The following CTNNA3 variants were observed in gnomAD, a reference collection of about 807,000 sequenced individuals.
The protein encoded by CTNNA3 is catenin alpha-3.
In CTNNA3, 76 loss-of-function variants were observed where a neutral mutation model predicts 95.7. The ratio of observed to expected loss-of-function variants is 0.79; its 90% CI spans 0.66 to 0.96. CTNNA3 has a LOEUF of 0.96. Ranked by LOEUF, CTNNA3 falls within the 40% of genes least tolerant of loss-of-function variation. The pLI is 0.00. For missense variants in CTNNA3, 1,191 were observed against 1,089.8 expected (o/e 1.09, Z -1.31); for synonymous variants, 431 against 374.4 (o/e 1.15, Z -1.74).
At chr10:66,960,817 G>T (rs968026009) in intron 7 of CTNNA3, among the ~76,000 whole-genome samples, 1 of 152,098 alleles carries the variant, frequency 6.6e-6, no homozygotes, top group African/African-American at 2.4e-5. Context: ...AGAAAAGGGG[G>T]GATGGTAGGG....
rs566123036 is a variant in CTNNA3 at position 66,407,946 on chromosome 10, T to C, written c.1532-28594A>G. On this transcript the variant is annotated intron_variant, in intron 11 of 17. Coordinates refer to ENST00000433211, the MANE Select transcript of CTNNA3 (RefSeq NM_013266.4). ...TTCTGTTCTAACGCATAAATTATAG[T>C]CCTTCCTGGTATCAATGCAGAGTTT... Among the ~76,000 whole-genome samples, 11 of 152,344 alleles carry C rather than the reference T, an allele frequency of 7.2e-5. No individual in the cohort carries two copies. The South Asian group carries it at 2.3e-3, about 32-fold the overall frequency.
intron 15 of CTNNA3, among the ~76,000 whole-genome samples, chr10:66,014,402 A>G (rs1348830756): frequency 6.6e-6 from 1 of 152,188 alleles, no homozygotes; most frequent in African/African-American, 2.4e-5. Flanking sequence ...AAGGCATTAC[A>G]TAAATCTCTA....
intron 11 of CTNNA3, among the ~76,000 whole-genome samples, chr10:66,490,423 C>A (rs1839882400): frequency 6.6e-6 from 1 of 152,038 alleles, no homozygotes; most frequent in African/African-American, 2.4e-5. Context: ...TGCTTGAAGC[C>A]TTTTAACCTG....
At chr10:66,717,050 A>C (rs77282736) in intron 9 of CTNNA3, among the ~76,000 whole-genome samples, 11,649 of 151,704 alleles carry the variant, frequency 0.077, 501 homozygotes, top group Middle Eastern at 0.13. Context: ...AAAAAAAAAA[A>C]CAGAAAACTG....
intron 14 of CTNNA3, among the ~76,000 whole-genome samples, chr10:66,082,074 C>T (rs1180591717): frequency 6.6e-6 from 1 of 151,726 alleles, no homozygotes; most frequent in Non-Finnish European, 1.5e-5. Flanking sequence ...GCCAAGATCT[C>T]GCTATTGCAC....
intron 6 of CTNNA3, among the ~76,000 whole-genome samples, chr10:67,215,669 G>A (rs1402820324): frequency 6.6e-6 from 1 of 152,082 alleles, no homozygotes; most frequent in African/African-American, 2.4e-5. Context: ...CAGAGCCAAG[G>A]CTATGCTAGT....
intron 14 of CTNNA3, among the ~76,000 whole-genome samples, chr10:66,080,611 A>C (rs1260198078): frequency 6.6e-6 from 1 of 152,186 alleles, no homozygotes; most frequent in African/African-American, 2.4e-5. Context: ...TCCTAAAGCC[A>C]ATCATAGTTG....
chr10:67,579,771 T>C (rs1457718408), intron 3 of CTNNA3, among the ~76,000 whole-genome samples: 4 of 152,154 alleles, frequency 2.6e-5, no homozygotes, highest in African/African-American at 7.2e-5. Context: ...TGGTATCTCA[T>C]TGTGGTTTTG....
chr10:67,071,659 A>T (rs2131849593), intron 7 of CTNNA3, among the ~76,000 whole-genome samples: 1 of 152,212 alleles, frequency 6.6e-6, no homozygotes, highest in South Asian at 2.1e-4. Context: ...TCTTTCCAAA[A>T]TTTTAGAAAA....
chr10:67,621,532 G>A lies in CTNNA3; in HGVS notation c.100-14483C>T, dbSNP rs151176683. On this transcript the variant is annotated intron_variant, in intron 2 of 17. Coordinates refer to ENST00000433211, the MANE Select transcript of CTNNA3 (RefSeq NM_013266.4). ...TGGGAGGCTGAGGCAGACGGATCAC[G>A]AGGTCAGGAGTTCAAAACCTGCCTG... 2.2e-3 allele frequency among the ~76,000 whole-genome samples: 328 copies of A among 152,120 alleles called. 1 individual carries two copies. The highest frequency in any genetic ancestry group is 3.6e-3 in the Non-Finnish European group (245 of 67,978).
intron 14 of CTNNA3, among the ~76,000 whole-genome samples, chr10:66,081,982 G>A (rs998502219): frequency 2.0e-5 from 3 of 152,052 alleles, no homozygotes; most frequent in Non-Finnish European, 4.4e-5. Flanking sequence ...GCTGGGCATG[G>A]TGGTGGGTGC....
Position 66,727,965 on chromosome 10 carries a change from T to C in CTNNA3, c.1281+38299A>G, listed in dbSNP as rs558519035. On this transcript the variant is annotated intron_variant, in intron 9 of 17. Transcript: ENST00000433211. ...GCCACATTTTTAATATAAAACTTTATTAATGTGACGAAATTTTGGAATTAA... is the reference window on the plus strand; with the variant it reads ...GCCACATTTTTAATATAAAACTTTACTAATGTGACGAAATTTTGGAATTAA... 2.6e-5 allele frequency among the ~76,000 whole-genome samples: 4 copies of C among 152,312 alleles called. No homozygotes were observed. The East Asian group carries it at 7.7e-4, about 29-fold the overall frequency.
chr10:66,434,780 T>G (rs1387650722), intron 11 of CTNNA3, among the ~76,000 whole-genome samples: 1 of 152,206 alleles, frequency 6.6e-6, no homozygotes, highest in Non-Finnish European at 1.5e-5. Flanking sequence ...TGGCTGTGAG[T>G]TTGTCATATA....
chr10:66,612,683 A>G (rs1844368460), intron 10 of CTNNA3, among the ~76,000 whole-genome samples: 1 of 152,116 alleles, frequency 6.6e-6, no homozygotes, highest in Non-Finnish European at 1.5e-5. Context: ...CCAAAATCCA[A>G]GGGTGCCTCC....
At chr10:65,995,466 T>C (rs751603819) in intron 15 of CTNNA3, among the ~76,000 whole-genome samples, 5 of 152,176 alleles carry the variant, frequency 3.3e-5, no homozygotes, top group Non-Finnish European at 5.9e-5. Context: ...CTGTGGCTGT[T>C]AGTGCAGGCT....
chr10:66,271,744 G>A (rs1336913515), intron 13 of CTNNA3, among the ~76,000 whole-genome samples: 2 of 152,142 alleles, frequency 1.3e-5, no homozygotes, highest in Non-Finnish European at 2.9e-5. Context: ...CTGCATCAAA[G>A]TCCTATTGGA....
Position 66,174,433 on chromosome 10 carries a change from TG to T in CTNNA3, c.1885-71185del, listed in dbSNP as rs532034592. Among the ~76,000 whole-genome samples the T allele has an allele frequency of 1.3e-4, 20 of 152,238 alleles. No individual in the cohort carries two copies. The East Asian group carries it at 3.3e-3, about 25-fold the overall frequency. ...ATGATTATTATCAAGATTTAAATTA[TG>T]TGCAAAACACTGACGCTGCATCTAG... On this transcript the variant is annotated intron_variant, in intron 13 of 17. Transcript: ENST00000433211.
chr10:66,715,805 T>A (rs1052203812), intron 9 of CTNNA3, among the ~76,000 whole-genome samples: 1 of 152,020 alleles, frequency 6.6e-6, no homozygotes, highest in African/African-American at 2.4e-5. Flanking sequence ...ATGGTCAAGA[T>A]TTTTAATTTC....
At chr10:66,864,421 C>T (rs1589351181) in intron 7 of CTNNA3, among the ~76,000 whole-genome samples, 1 of 152,252 alleles carries the variant, frequency 6.6e-6, no homozygotes, top group African/African-American at 2.4e-5. Context: ...AGGCCCTCAT[C>T]AGAGGACAGC....
Sources: gnomAD v4.1 joint callset for allele counts (sites outside exome capture counted in the v4.1 genomes callset) on GRCh38, gnomAD v4.1.1 for gene constraint, MANE v1.5 for transcripts, NCBI Gene and HGNC (gene_info 2026-07-23, HGNC 2026-07-21) for gene names.